HIBCH: variants seen among roughly 807,000 people sequenced by gnomAD.
The protein encoded by HIBCH is 3-hydroxyisobutyryl-CoA hydrolase, also known as 3-hydroxyisobutyryl-CoA hydrolase, mitochondrial.
Under a neutral mutation model 58.2 loss-of-function variants are expected in HIBCH, and 50 were observed. The ratio of observed to expected loss-of-function variants is 0.86; its 90% CI spans 0.68 to 1.09. The LOEUF (loss-of-function observed/expected upper bound fraction) is 1.09, where lower values mean the gene tolerates loss of function less well. HIBCH is among the 50% of genes least tolerant of loss of function. HIBCH has a pLI of 0.00. For missense variants in HIBCH, 450 were observed against 449.7 expected (o/e 1.00, Z -0.01); for synonymous variants, 151 against 146.9 (o/e 1.03, Z -0.20).
chr2:190,237,158 T>G (rs1686297566), intron 11 of HIBCH, among the ~76,000 whole-genome samples: 1 of 152,256 alleles, frequency 6.6e-6, no homozygotes, highest in Non-Finnish European at 1.5e-5. Context: ...CTATGAGTTT[T>G]GATAAGTGTA....
At chr2:190,248,334 G>T (rs1229686423) in intron 9 of HIBCH, among the ~76,000 whole-genome samples, 10 of 151,494 alleles carry the variant, frequency 6.6e-5, no homozygotes, top group Non-Finnish European at 1.5e-4. Flanking sequence ...ACGTCTATGG[G>T]TTTTTTTTTC....
Position 190,215,144 on chromosome 2 carries a change from G to A in HIBCH, c.892-2069C>T, listed in dbSNP as rs1966073. 10 of 151,644 alleles carry A rather than the reference G, an allele frequency of 6.6e-5. No homozygotes were observed. The highest frequency in any genetic ancestry group is 2.6e-4 in the Admixed American group (4 of 15,186). 9.4% of individuals were successfully genotyped at this position (151,644 alleles called of 1,614,324 possible). A position where few individuals can be genotyped will look rare whatever the true frequency, so the allele number is the denominator to read the frequency against. ...AGAGATCCCCTCGGTTTAGCAGCTA[G>A]ATCAATTTTTAGGACCCAATTTTTA... On this transcript the variant is annotated intron_variant, in intron 11 of 13. Transcript: ENST00000359678. This position sits in a 1 kb window ranked among gnomAD's most constrained non-coding sequence, Gnocchi z 4.4.
intron 5 of HIBCH, among the ~76,000 whole-genome samples, chr2:190,287,933 G>A (rs1687872095): frequency 6.6e-6 from 1 of 152,050 alleles, no homozygotes; most frequent in South Asian, 2.1e-4. Context: ...AAGGTGGGAG[G>A]ATTGCTTGAG....
intron 1 of HIBCH, among the ~76,000 whole-genome samples, chr2:190,314,699 G>T (rs1381157286): frequency 2.0e-5 from 3 of 152,024 alleles, no homozygotes; most frequent in Admixed American, 2.0e-4. Context: ...GGCTAGTCTT[G>T]AACTCCCAAC....
Position 190,217,714 on chromosome 2 carries a change from T to C in HIBCH, c.892-4639A>G, listed in dbSNP as rs1685598935. Among the ~76,000 whole-genome samples, 1 of 152,128 alleles carries C rather than the reference T, an allele frequency of 6.6e-6. No homozygotes were observed. The highest frequency in any genetic ancestry group is 1.5e-5 in the Non-Finnish European group (1 of 68,016). On this transcript the variant is annotated intron_variant, in intron 11 of 13. Coordinates refer to ENST00000359678, the MANE Select transcript of HIBCH (RefSeq NM_014362.4). The surrounding 1 kb of genome is among the most constrained non-coding windows in gnomAD (Gnocchi z 4.6). The stretch of plus-strand genomic sequence containing the variant: ...TGGCAACTCGGTGCTAATTAAAACC[T>C]GGAAAGAAGACATGCTCCACCCAAG...
chr2:190,255,655 C>T (rs971449190), intron 7 of HIBCH, among the ~76,000 whole-genome samples: 1 of 152,186 alleles, frequency 6.6e-6, no homozygotes, highest in Non-Finnish European at 1.5e-5. Flanking sequence ...CAACTTCATG[C>T]CTTGAGTGAA....
intron 1 of HIBCH, 90 bp downstream of exon 1, chr2:190,319,626 C>T: frequency 8.7e-7 from 1 of 1,153,696 alleles, no homozygotes; most frequent in Non-Finnish European, 1.3e-6. Context: ...CTCGAAACTT[C>T]GAGGCCAGCA....
At chr2:190,273,090 C>T (rs376021769) in intron 6 of HIBCH, among the ~76,000 whole-genome samples, 2 of 152,016 alleles carry the variant, frequency 1.3e-5, no homozygotes, top group African/African-American at 2.4e-5. Context: ...TAAGAAACTA[C>T]GCAACTCAAA....
At chr2:190,276,108 T>A (rs114380662) in intron 6 of HIBCH, among the ~76,000 whole-genome samples, 13 of 152,242 alleles carry the variant, frequency 8.5e-5, no homozygotes, top group African/African-American at 3.1e-4. Context: ...AGTGGTCCAG[T>A]CAAAGCACAA....
chr2:190,198,433 G>A (rs1690079034), intron 1 of HIBCH, among the ~76,000 whole-genome samples: 1 of 152,112 alleles, frequency 6.6e-6, no homozygotes, highest in Admixed American at 6.6e-5. Flanking sequence ...TTGACCCCGG[G>A]AGTTCAAGAC....
intron 1 of HIBCH, among the ~76,000 whole-genome samples, chr2:190,319,331 G>A (rs1270003279): frequency 1.3e-5 from 2 of 152,198 alleles, no homozygotes; most frequent in Non-Finnish European, 2.9e-5. Context: ...TGCAGCAACT[G>A]GCAAAGCACC....
At chr2:190,303,795 C>A (rs932955656) in intron 2 of HIBCH, among the ~76,000 whole-genome samples, 1 of 152,022 alleles carries the variant, frequency 6.6e-6, no homozygotes, top group Non-Finnish European at 1.5e-5. Flanking sequence ...GGCACTTACA[C>A]AAAAGGATAA....
At chr2:190,272,077 A>G (rs1687415610) in intron 6 of HIBCH, among the ~76,000 whole-genome samples, 1 of 147,570 alleles carries the variant, frequency 6.8e-6, no homozygotes, top group Non-Finnish European at 1.5e-5. Context: ...CAGCTTAAAT[A>G]TAACTTCCTC....
chr2:190,190,008 T>TA (rs1193752030), intron 1 of HIBCH: 2 of 152,212 alleles, frequency 1.3e-5, no homozygotes, highest in African/African-American at 4.8e-5. Context: ...CTTTTTCAGA[T>TA]AAAATACATC....
Position 190,287,629 on chromosome 2 carries a change from T to C in HIBCH, c.395A>G (p.Gln132Arg). Residue 132 changes from glutamine to arginine, a missense_variant, in exon 6 of 14, where the codon CAG (glutamine) becomes CGG (arginine). Coordinates refer to ENST00000359678, the MANE Select transcript of HIBCH (RefSeq NM_014362.4). ...ATGAATAAGTGCAACATAAGGTTTCTGGCAAGAACCTGAAAGAAACAGAGC... is the reference window on the plus strand; with the variant it reads ...ATGAATAAGTGCAACATAAGGTTTCCGGCAAGAACCTGAAAGAAACAGAGC... ...YMLNNAVGSC[Q>R]KPYVALIHGI... The C allele has an allele frequency of 6.2e-7, 1 of 1,611,404 alleles. No homozygotes were observed. Among genetic ancestry groups the C allele is most frequent in the Non-Finnish European group, 8.5e-7 (1 of 1,177,716 alleles).
At chr2:190,193,348 CTGGGT>C (rs1327441615) in intron 1 of HIBCH, among the ~76,000 whole-genome samples, 205 of 152,164 alleles carry the variant, frequency 1.3e-3, no homozygotes, top group African/African-American at 4.8e-3. Context: ...TTGCCAACTT[CTGGGT>C]CTATGTTCAT....
rs554102799 is a variant in HIBCH at position 190,311,271 on chromosome 2, G to C, written c.36-475C>G. On this transcript the variant is annotated intron_variant, in intron 1 of 13. Transcript: ENST00000359678. ...GTAGAAAGATCAATGGTTGCCAGGG[G>C]TTTGGGGGACGGAAGGAGGGATGAA... 4.6e-5 allele frequency among the ~76,000 whole-genome samples: 7 copies of C among 152,308 alleles called. No homozygotes were observed. In the East Asian group the frequency reaches 1.3e-3, roughly 29 times the overall value.
intron 11 of HIBCH, among the ~76,000 whole-genome samples, chr2:190,228,729 CTTTAAAGATTTG>C (rs1685999847): frequency 1.3e-5 from 2 of 152,094 alleles, no homozygotes; most frequent in African/African-American, 4.8e-5. Flanking sequence ...TTATCTGACC[CTTTAAAGATTTG>C]TTTAAAGATT....
downstream of HIBCH, chr2:190,203,188 CTCTT>C (rs1690301483): frequency 6.0e-6 from 1 of 166,998 alleles, no homozygotes; most frequent in South Asian, 2.1e-4. Context: ...AAGTTAGAGA[CTCTT>C]TATAAGTAAT....
Sources: gnomAD v4.1 joint callset for allele counts (sites outside exome capture counted in the v4.1 genomes callset) on GRCh38, gnomAD v4.1.1 for gene constraint, Gnocchi (gnomAD v3.1) non-coding constraint, MANE v1.5 for transcripts, NCBI Gene and HGNC (gene_info 2026-07-23, HGNC 2026-07-21) for gene names.